Variants in CCDC112 observed in about 807,000 individuals in gnomAD.
The protein encoded by CCDC112 is coiled-coil domain-containing protein 112.
Under a neutral mutation model 66.3 loss-of-function variants are expected in CCDC112, and 40 were observed. The observed-to-expected ratio is 0.60, with a 90% CI of 0.47 to 0.79. CCDC112 has a LOEUF of 0.79. Among genes scored for constraint, CCDC112 ranks in the 30% least tolerant of loss-of-function variants. The pLI is 0.00. For synonymous variants in CCDC112, 214 were observed against 197.2 expected, an observed-to-expected ratio of 1.09 and a Z score of -0.71; for missense variants, 659 against 603.8, an observed-to-expected ratio of 1.09 and a Z score of -0.96.
intron 7 of CCDC112, among the ~76,000 whole-genome samples, chr5:115,270,447 A>T (rs1244431775): frequency 6.6e-6 from 1 of 152,112 alleles, no homozygotes; most frequent in East Asian, 1.9e-4. Context: ...TTCTGCCAGT[A>T]TGTCTTTATT....
chr5:115,295,637 ATAG>A (rs1452964416), intron 1 of CCDC112, among the ~76,000 whole-genome samples: 1 of 152,312 alleles, frequency 6.6e-6, no homozygotes, highest in East Asian at 1.9e-4. Flanking sequence ...CACAACAGGC[ATAG>A]TTCTTGGTGC....
At chr5:115,275,741 T>TAA in intron 5 of CCDC112, 135 bp from the exon 6 acceptor site, 1 of 723,992 alleles carries the variant, frequency 1.4e-6, no homozygotes, top group East Asian at 2.9e-5. Flanking sequence ...ATTTAAGCCT[T>TAA]AAAAGAGTCT....
intron 9 of CCDC112, 38 bp from the exon 10 acceptor site, chr5:115,267,956 G>A (rs373485326): frequency 1.9e-6 from 3 of 1,542,428 alleles, no homozygotes; most frequent in Non-Finnish European, 2.7e-6. Flanking sequence ...TAAATATGTA[G>A]GAAATTAAAA....
intron 4 of CCDC112, 133 bp downstream of exon 4, chr5:115,276,832 C>T (rs546235034): frequency 1.8e-6 from 1 of 562,642 alleles, no homozygotes; most frequent in African/African-American, 1.9e-5. Context: ...CTTATTAAGT[C>T]CTAACCAATA....
At chr5:115,284,684 A>G (rs1288444625) in intron 2 of CCDC112, 103 bp downstream of exon 2, 2 of 852,792 alleles carry the variant, frequency 2.3e-6, no homozygotes, top group Non-Finnish European at 1.8e-6. Context: ...TTACAATTTT[A>G]TAACTTAATG....
chr5:115,279,250 T>C (rs1192582698), intron 3 of CCDC112, among the ~76,000 whole-genome samples: 1 of 152,152 alleles, frequency 6.6e-6, no homozygotes, highest in African/African-American at 2.4e-5. Flanking sequence ...TTTGAATCTG[T>C]TGATGCTTAC....
intron 1 of CCDC112, among the ~76,000 whole-genome samples, chr5:115,291,860 A>C (rs1439614664): frequency 6.6e-6 from 1 of 152,126 alleles, no homozygotes; most frequent in Non-Finnish European, 1.5e-5. Context: ...ATGTGAAAAC[A>C]GCTGTTAATC....
rs1160677606 is a variant in CCDC112, at chr5:115,271,518, T to A, written c.1027A>T (p.Asn343Tyr). The change falls in exon 7 of 10, where the codon AAT (asparagine) becomes TAT (tyrosine). Residue 343 changes from asparagine to tyrosine, a missense_variant. Asn to Tyr is a moderately radical substitution (Grantham distance 143). Transcript: ENST00000379611. ...CTTTGTTCCTCTTTTTGCTTTTGAT[T>A]ATCCTCTTGTTTATTATGAAAAAGC... ...PVLFHNKQED[N>Y]QKQKEEQRKK... 1 of 1,612,598 alleles carries A rather than the reference T, an allele frequency of 6.2e-7. No homozygotes were observed. The highest frequency in any genetic ancestry group is 2.2e-5 in the East Asian group (1 of 44,794).
At chr5:115,290,636 T>C (rs576370334) in intron 1 of CCDC112, among the ~76,000 whole-genome samples, 28 of 152,336 alleles carry the variant, frequency 1.8e-4, no homozygotes, top group African/African-American at 6.5e-4. Context: ...TATTCATTTA[T>C]ATAAGTCTCC....
intron 6 of CCDC112, among the ~76,000 whole-genome samples, chr5:115,274,277 G>A (rs1328060837): frequency 1.3e-5 from 2 of 152,000 alleles, no homozygotes; most frequent in East Asian, 3.9e-4. Context: ...CACAGAACAG[G>A]CCCCCACAAC....
chr5:115,284,203 C>T (rs1749576244), intron 2 of CCDC112, among the ~76,000 whole-genome samples: 1 of 151,906 alleles, frequency 6.6e-6, no homozygotes, highest in South Asian at 2.1e-4. Flanking sequence ...TGGTGGTGAA[C>T]ATCACTGGTT....
intron 2 of CCDC112, among the ~76,000 whole-genome samples, chr5:115,284,363 A>G (rs1749586427): frequency 2.0e-5 from 3 of 152,206 alleles, no homozygotes; most frequent in South Asian, 4.1e-4. Flanking sequence ...AGCAATTTAA[A>G]TATATGATGT....
At chr5:115,288,693 C>T (rs1167914328) in intron 1 of CCDC112, among the ~76,000 whole-genome samples, 1 of 152,170 alleles carries the variant, frequency 6.6e-6, no homozygotes, top group Non-Finnish European at 1.5e-5. Context: ...TAAGAACTAA[C>T]CCCCATCTAT....
chr5:115,293,957 G>C (rs1365727955), intron 1 of CCDC112, among the ~76,000 whole-genome samples: 1 of 152,176 alleles, frequency 6.6e-6, no homozygotes, highest in Non-Finnish European at 1.5e-5. Context: ...CAACTACAAT[G>C]ATCAAGAGAA....
In CCDC112 at chr5:115,271,244, G is replaced by T; in HGVS notation, c.1301C>A (p.Ala434Asp). 6.3e-7 allele frequency: 1 copy of T among 1,582,200 alleles called. No individual in the cohort carries two copies. The change falls in exon 7 of 10, where the codon GCT (alanine) becomes GAT (aspartate). Residue 434 changes from alanine (A) to aspartate (D), a missense_variant. Coordinates refer to ENST00000379611, the MANE Select transcript of CCDC112 (RefSeq NM_001040440.3). Reference protein sequence around the residue: ...KAEKAEKRKNAADEISRFQER... With the variant: ...KAEKAEKRKNDADEISRFQER... ...TTGAAATCTGGAAATTTCATCAGCA[G>T]CATTTTTCCTTTTTTCTGCCTTTTC...
chr5:115,272,036 C>T (rs1439396668), intron 6 of CCDC112, among the ~76,000 whole-genome samples: 3 of 151,546 alleles, frequency 2.0e-5, no homozygotes, highest in East Asian at 3.9e-4. Context: ...GTGATTCTCC[C>T]GCCTCAGCCT....
Position 115,296,613 on chromosome 5 carries a change from G to A in CCDC112, c.-70C>T. 1 of 1,383,356 alleles carries A rather than the reference G, an allele frequency of 7.2e-7. No homozygotes were observed. Among genetic ancestry groups the A allele is most frequent in the Non-Finnish European group, 9.3e-7 (1 of 1,071,538 alleles). The allele number at this position is 1,383,356 out of a possible 1,614,324, so 85.7% of individuals were successfully genotyped here. A position where few individuals can be genotyped will look rare whatever the true frequency, so the allele number is the denominator to read the frequency against. On this transcript the variant is annotated 5_prime_UTR_variant, in exon 1 of 10. Transcript: ENST00000379611. The stretch of plus-strand genomic sequence containing the variant: ...GGGGATTCGTGGCAGGCGCACCCTG[G>A]CCTCTGCAGACAGCTCCCTGCGCTG...
intron 1 of CCDC112, among the ~76,000 whole-genome samples, chr5:115,287,761 C>G (rs1372913695): frequency 7.4e-6 from 1 of 135,032 alleles, no homozygotes; most frequent in Non-Finnish European, 1.5e-5. Context: ...CCAGGTTGGA[C>G]TCCTGGGCTC....
chr5:115,296,371 A>T, intron 1 of CCDC112, 56 bp downstream of exon 1: 1 of 1,525,574 alleles, frequency 6.6e-7, no homozygotes, highest in Non-Finnish European at 8.7e-7. Context: ...CTGTTCAGCC[A>T]GGGCCTGCAG....
Sources: allele counts gnomAD v4.1 joint callset (sites outside exome capture counted in the v4.1 genomes callset), GRCh38; gene constraint gnomAD v4.1.1; transcripts MANE v1.5; gene names NCBI Gene and HGNC (gene_info 2026-07-23, HGNC 2026-07-21).